The following ZNF141 variants were observed in gnomAD, a reference collection of about 807,000 sequenced individuals.
ZNF141 encodes zinc finger protein 141.
ZNF141 carries 7 observed loss-of-function variants against 11.3 expected under a neutral mutation model. That is an observed-to-expected ratio of 0.62 (90% CI 0.35 to 1.16). The LOEUF is 1.16. ZNF141 is among the 50% of genes most tolerant of loss of function. The probability of loss-of-function intolerance (pLI) is 0.02; values close to 1 mark genes in which losing one functional copy is unlikely to be tolerated. For missense variants in ZNF141, 535 were observed against 554.0 expected (o/e 0.97, Z 0.34); for synonymous variants, 183 against 190.7 (o/e 0.96, Z 0.33).
chr4:342,889 C>T, intron 1 of ZNF141: 4 of 1,605,274 alleles, frequency 2.5e-6, no homozygotes, highest in African/African-American at 1.3e-5. Context: ...GAACAGACTG[C>T]CGAAGTCCAA....
intron 3 of ZNF141, among the ~76,000 whole-genome samples, chr4:345,405 T>C (rs1389994436): frequency 6.6e-6 from 1 of 152,192 alleles, no homozygotes; most frequent in Admixed American, 6.5e-5. Flanking sequence ...GTTTAAAGCA[T>C]GGATTTCCAA....
At position 371,640 on chromosome 4, in the gene ZNF141, C is replaced by T. The variant is rs141110692; in HGVS notation, c.227-1024C>T. On this transcript the variant is annotated intron_variant, in intron 3 of 3. Coordinates refer to ENST00000240499, the MANE Select transcript of ZNF141 (RefSeq NM_003441.4). ...CTGCAAGCTTTGCCTCCTGTGTTTACGCCATTCTCCTGCCTCAGCCTCCCG... is the reference window on the plus strand; with the variant it reads ...CTGCAAGCTTTGCCTCCTGTGTTTATGCCATTCTCCTGCCTCAGCCTCCCG... 4.6e-3 allele frequency among the ~76,000 whole-genome samples: 703 copies of T among 151,426 alleles called. 5 individuals are homozygous for T. Among genetic ancestry groups the T allele is most frequent in the African/African-American group, 0.016 (660 of 41,238 alleles).
chr4:368,967 ATCT>A (rs367791421), intron 3 of ZNF141, among the ~76,000 whole-genome samples: 16 of 152,154 alleles, frequency 1.1e-4, no homozygotes, highest in African/African-American at 1.9e-4. Flanking sequence ...GAATTTAGAC[ATCT>A]TCTTTTTAGG....
chr4:369,135 A>G (rs561388259), intron 3 of ZNF141, among the ~76,000 whole-genome samples: 5 of 150,518 alleles, frequency 3.3e-5, no homozygotes, highest in South Asian at 4.2e-4. Flanking sequence ...TTTGCTTTGT[A>G]TATTTTGAAC....
In ZNF141 at chr4:373,118, T is replaced by C. The variant is rs782391026; in HGVS notation, c.681T>C (p.Phe227=). Residue 227 remains phenylalanine, a synonymous_variant, in exon 4 of 4, where the codon TTT becomes TTC. Coordinates refer to ENST00000240499, the MANE Select transcript of ZNF141 (RefSeq NM_003441.4). ...HKRIHTGEKP[F]TCEECGSIFT... ...GAATTCATACTGGAGAGAAACCTTT[T>C]ACTTGTGAAGAATGTGGCAGCATCT... 2 of 1,612,778 alleles carry C rather than the reference T, an allele frequency of 1.2e-6. No homozygotes were observed. Among genetic ancestry groups the C allele is most frequent in the Non-Finnish European group, 1.7e-6 (2 of 1,179,696 alleles).
intron 3 of ZNF141, among the ~76,000 whole-genome samples, chr4:357,103 A>G (rs1236091372): frequency 6.6e-6 from 1 of 152,040 alleles, no homozygotes; most frequent in Non-Finnish European, 1.5e-5. Flanking sequence ...CTACAAGCAC[A>G]TGCCACCATA....
rs782344505 is a variant in ZNF141 at position 373,009 on chromosome 4, T to G, written c.572T>G (p.Val191Gly). Reference sequence around the variant, plus strand: ...TTTTCACACCTAACTCAACATAAGGTAATTCATGCTGGAGAGAAACCCTAC... The same window carrying G: ...TTTTCACACCTAACTCAACATAAGGGAATTCATGCTGGAGAGAAACCCTAC... ...QKFSHLTQHK[V>G]IHAGEKPYTC... is the part of the protein sequence containing the mutation. The change falls in exon 4 of 4, where the codon GTA (valine) becomes GGA (glycine). Residue 191 changes from valine (V) to glycine (G), a missense_variant. Coordinates refer to ENST00000240499, the MANE Select transcript of ZNF141 (RefSeq NM_003441.4). 6.2e-7 allele frequency: 1 copy of G among 1,613,964 alleles called. No individual in the cohort carries two copies. The highest frequency in any genetic ancestry group is 1.7e-5 in the Admixed American group (1 of 60,004).
intron 3 of ZNF141, among the ~76,000 whole-genome samples, chr4:362,478 C>T (rs939411914): frequency 9.9e-5 from 15 of 152,230 alleles, no homozygotes; most frequent in African/African-American, 3.4e-4. Flanking sequence ...AATGGTATTG[C>T]CTAGGTTTTC....
intron 3 of ZNF141, among the ~76,000 whole-genome samples, chr4:346,865 G>GTA (rs199732124): frequency 1.5e-5 from 2 of 136,978 alleles, no homozygotes; most frequent in African/African-American, 6.1e-5. Context: ...ATACATGTAT[G>GTA]TATATATATG....
At chr4:340,689 A>G (rs969463330) in intron 1 of ZNF141, among the ~76,000 whole-genome samples, 1 of 152,234 alleles carries the variant, frequency 6.6e-6, no homozygotes, top group Non-Finnish European at 1.5e-5. Flanking sequence ...ATGTGTTAAA[A>G]TGAGACCACA....
In ZNF141 at chr4:376,699, C is replaced by T. The variant is rs925883365; in HGVS notation, c.*2837C>T. Among the ~76,000 whole-genome samples, 85 of 152,094 alleles carry T rather than the reference C, an allele frequency of 5.6e-4. No homozygotes were observed. Among genetic ancestry groups the T allele is most frequent in the African/African-American group, 1.9e-3 (81 of 41,544 alleles). On this transcript the variant is annotated 3_prime_UTR_variant, in exon 4 of 4. Coordinates refer to ENST00000240499, the MANE Select transcript of ZNF141 (RefSeq NM_003441.4). ...CCTTAGGTGTAAGAAAATTATAGAG[C>T]AAGCAATTGTGTTTATGTGAGTTTG... is the stretch of plus-strand genomic sequence containing the variant.
chr4:362,787 A>G lies in ZNF141; in HGVS notation c.227-9877A>G, dbSNP rs578203635. On this transcript the variant is annotated intron_variant, in intron 3 of 3. Coordinates refer to ENST00000240499, the MANE Select transcript of ZNF141 (RefSeq NM_003441.4). ...GCTGTTTTGGTTACTGTAGCCTTGTAGCATGATTTGAAGTCAGGTAGCGTG... is the reference window on the plus strand; with the variant it reads ...GCTGTTTTGGTTACTGTAGCCTTGTGGCATGATTTGAAGTCAGGTAGCGTG... 2.0e-5 allele frequency among the ~76,000 whole-genome samples: 3 copies of G among 152,328 alleles called. No homozygotes were observed. In the East Asian group the frequency reaches 5.8e-4, roughly 29 times the overall value.
chr4:369,098 C>G (rs372798069), intron 3 of ZNF141, among the ~76,000 whole-genome samples: 5 of 152,162 alleles, frequency 3.3e-5, no homozygotes, highest in Non-Finnish European at 7.4e-5. Context: ...ACATTGCTCC[C>G]TATATCTTGC....
chr4:345,771 A>G (rs868985147), intron 3 of ZNF141, among the ~76,000 whole-genome samples: 8 of 149,590 alleles, frequency 5.3e-5, no homozygotes, highest in South Asian at 4.3e-4. Flanking sequence ...AATTTTTGTG[A>G]TATCCTCCAC....
At chr4:341,065 CAT>C in intron 1 of ZNF141, among the ~76,000 whole-genome samples, 1 of 142,118 alleles carries the variant, frequency 7.0e-6, no homozygotes, top group South Asian at 2.3e-4. Flanking sequence ...GTCAAAAAAA[CAT>C]TTTTCTTTTT....
rs781850754 is a variant in ZNF141, at chr4:381,722, G to A, written c.*7860G>A. The stretch of plus-strand genomic sequence containing the variant: ...CCATGCCCTCAAATATGCTTTCTTA[G>A]TACTCCACATTTATGCAGCCATCTG... On this transcript the variant is annotated 3_prime_UTR_variant, in exon 4 of 4. Coordinates refer to ENST00000240499, the MANE Select transcript of ZNF141 (RefSeq NM_003441.4). Among the ~76,000 whole-genome samples, 15 of 151,666 alleles carry A rather than the reference G, an allele frequency of 9.9e-5. No homozygotes were observed. Among genetic ancestry groups the A allele is most frequent in the Non-Finnish European group, 1.6e-4 (11 of 67,922 alleles).
rs1711947116 is a variant in ZNF141, at chr4:369,756, ATATATATATT to A, written c.227-2906_227-2897del. Among the ~76,000 whole-genome samples the A allele has an allele frequency of 4.2e-4, 15 of 35,346 alleles. No individual in the cohort carries two copies. The South Asian group carries it at 9.8e-3, about 23-fold the overall frequency. 23.2% of individuals were successfully genotyped at this position (35,346 alleles called of 152,430 possible). ...TAAAGAGATATATATATATATATAT[ATATATATATT>A]TTTTTTTTTTTTTTTTTTGAGAGGG... On this transcript the variant is annotated intron_variant, in intron 3 of 3. Transcript: ENST00000240499.
At chr4:362,415 G>C (rs957044034) in intron 3 of ZNF141, among the ~76,000 whole-genome samples, 1 of 152,136 alleles carries the variant, frequency 6.6e-6, no homozygotes, top group Non-Finnish European at 1.5e-5. Flanking sequence ...GGCTTTTCTT[G>C]CCATTGCTTT....
chr4:368,575 AATTAT>A (rs1711864067), intron 3 of ZNF141, among the ~76,000 whole-genome samples: 1 of 152,104 alleles, frequency 6.6e-6, no homozygotes, highest in Non-Finnish European at 1.5e-5. Flanking sequence ...TAATATTTCA[AATTAT>A]ATTTATCCAT....
Sources: allele counts gnomAD v4.1 joint callset (sites outside exome capture counted in the v4.1 genomes callset), GRCh38; gene constraint gnomAD v4.1.1; transcripts MANE v1.5; gene names NCBI Gene and HGNC (gene_info 2026-07-23, HGNC 2026-07-21).